UST: variants seen among roughly 807,000 people sequenced by gnomAD.
The protein encoded by UST is uronyl 2-sulfotransferase.
In UST, 21 loss-of-function variants were observed where a neutral mutation model predicts 45.6. The observed-to-expected ratio is 0.46, with a 90% CI of 0.33 to 0.66. The LOEUF (loss-of-function observed/expected upper bound fraction) is 0.66, where lower values mean the gene tolerates loss of function less well. Among genes scored for constraint, UST ranks in the 30% least tolerant of loss-of-function variants. The pLI, the probability that UST is intolerant of heterozygous loss-of-function variation, is 0.02. For missense variants in UST, 463 were observed against 512.4 expected (o/e 0.90, Z 0.93); for synonymous variants, 215 against 200.6 (o/e 1.07, Z -0.61).
Position 148,927,658 on chromosome 6 carries a change from G to A in UST, c.292-13621G>A, listed in dbSNP as rs9390637. ...GGCACCACCAAATTAAGAGCCCTGG[G>A]ATGAAAAAAAATGAGAAAGATAGAA... On this transcript the variant is annotated intron_variant, in intron 2 of 7. Coordinates refer to ENST00000367463, the MANE Select transcript of UST (RefSeq NM_005715.3). 1.0e-2 allele frequency among the ~76,000 whole-genome samples: 1,516 copies of A among 151,976 alleles called. 78 individuals are homozygous for A. The East Asian group carries it at 0.13, about 13-fold the overall frequency.
intron 2 of UST, among the ~76,000 whole-genome samples, chr6:148,896,079 A>C (rs1464930441): frequency 6.6e-6 from 1 of 152,224 alleles, no homozygotes; most frequent in African/African-American, 2.4e-5. Context: ...AGGTATTGGG[A>C]GTACAATGAC....
At chr6:148,873,003 C>G (rs1449898428) in intron 1 of UST, among the ~76,000 whole-genome samples, 1 of 152,120 alleles carries the variant, frequency 6.6e-6, no homozygotes, top group Non-Finnish European at 1.5e-5. Context: ...AGGACGAGGA[C>G]AACTTTGGGG....
chr6:148,776,213 G>A (rs1776532584), intron 1 of UST, among the ~76,000 whole-genome samples: 1 of 152,162 alleles, frequency 6.6e-6, no homozygotes, highest in South Asian at 2.1e-4. Context: ...AGAAATTCTG[G>A]CTTTTGCTTC....
At chr6:148,808,385 C>T (rs1314375954) in intron 1 of UST, among the ~76,000 whole-genome samples, 1 of 152,138 alleles carries the variant, frequency 6.6e-6, no homozygotes, top group East Asian at 1.9e-4. Context: ...AGATCCTAAA[C>T]ATGACCCCTT....
intron 1 of UST, among the ~76,000 whole-genome samples, chr6:148,799,486 C>T (rs1053879962): frequency 2.6e-5 from 4 of 152,016 alleles, no homozygotes; most frequent in African/African-American, 9.7e-5. Flanking sequence ...TTGGTGGTTC[C>T]CGGCAACTGA....
At chr6:148,881,959 A>T (rs887345789) in intron 1 of UST, among the ~76,000 whole-genome samples, 3 of 152,230 alleles carry the variant, frequency 2.0e-5, no homozygotes, top group Non-Finnish European at 4.4e-5. Flanking sequence ...CTAGAAGAAG[A>T]GAAACTCACT....
intron 1 of UST, among the ~76,000 whole-genome samples, chr6:148,758,744 T>C (rs1487294386): frequency 2.0e-5 from 3 of 152,230 alleles, no homozygotes; most frequent in African/African-American, 4.8e-5. Flanking sequence ...TAGCCTCCAG[T>C]AGGTGTTGCG....
At chr6:148,921,659 C>T (rs918300928) in intron 2 of UST, among the ~76,000 whole-genome samples, 2 of 152,200 alleles carry the variant, frequency 1.3e-5, no homozygotes, top group Admixed American at 1.3e-4. Flanking sequence ...AAGCTTTCTG[C>T]ACTCCAGGTG....
intron 2 of UST, among the ~76,000 whole-genome samples, chr6:148,905,052 T>C (rs1187262042): frequency 6.6e-6 from 1 of 152,238 alleles, no homozygotes; most frequent in Non-Finnish European, 1.5e-5. Flanking sequence ...CTGAGTTTTG[T>C]TTTTCTCACT....
intron 1 of UST, among the ~76,000 whole-genome samples, chr6:148,867,820 A>G (rs1237876253): frequency 6.6e-6 from 1 of 152,170 alleles, no homozygotes; most frequent in Non-Finnish European, 1.5e-5. Flanking sequence ...ACTAATACAC[A>G]CTTGTTTGTA....
intron 5 of UST, among the ~76,000 whole-genome samples, chr6:148,979,700 A>G (rs74473896): frequency 0.018 from 2,789 of 152,314 alleles, 72 homozygotes; most frequent in African/African-American, 0.051. Flanking sequence ...TGAGAACTTC[A>G]AAGTGATGAC....
At chr6:148,969,184 C>T (rs1780864773) in intron 5 of UST, among the ~76,000 whole-genome samples, 1 of 152,234 alleles carries the variant, frequency 6.6e-6, no homozygotes, top group East Asian at 1.9e-4. Flanking sequence ...TCCCAACCAG[C>T]TGAGACTGTC....
intron 5 of UST, among the ~76,000 whole-genome samples, chr6:148,993,566 A>G (rs972267723): frequency 6.6e-6 from 1 of 152,180 alleles, no homozygotes; most frequent in Non-Finnish European, 1.5e-5. Context: ...TACTGTTTGT[A>G]TATTTGTCCC....
chr6:148,822,034 C>G (rs1777476382), intron 1 of UST, among the ~76,000 whole-genome samples: 2 of 152,120 alleles, frequency 1.3e-5, no homozygotes, highest in African/African-American at 2.4e-5. Context: ...TTTTATGTTC[C>G]CTGCACTATA....
chr6:148,910,386 C>T lies in UST; in HGVS notation c.291+23357C>T, dbSNP rs140927223. ...AACTCCCGACCTCAGGTGATCCGCC[C>T]GCCTGAACCTCCCAAAGTGCTGGCA... is the stretch of plus-strand genomic sequence containing the variant. On this transcript the variant is annotated intron_variant, in intron 2 of 7. Coordinates refer to ENST00000367463, the MANE Select transcript of UST (RefSeq NM_005715.3). 5.1e-3 allele frequency among the ~76,000 whole-genome samples: 769 copies of T among 152,166 alleles called. 10 individuals carry two copies. Among genetic ancestry groups the T allele is most frequent in the African/African-American group, 0.018 (743 of 41,528 alleles).
At chr6:148,777,573 C>CT (rs1776559680) in intron 1 of UST, among the ~76,000 whole-genome samples, 1 of 152,160 alleles carries the variant, frequency 6.6e-6, no homozygotes. Flanking sequence ...GAGACGGAGT[C>CT]TCGCTCTGTC....
intron 4 of UST, among the ~76,000 whole-genome samples, chr6:148,959,414 C>T (rs1290346289): frequency 6.6e-6 from 1 of 152,220 alleles, no homozygotes; most frequent in African/African-American, 2.4e-5. Flanking sequence ...TCGGTATTAG[C>T]AGTTAACACC....
intron 1 of UST, among the ~76,000 whole-genome samples, chr6:148,881,721 C>T (rs191587403): frequency 1.2e-4 from 18 of 152,152 alleles, no homozygotes; most frequent in African/African-American, 4.1e-4. Flanking sequence ...CACCCACCAT[C>T]GACTCCTTGA....
intron 3 of UST, among the ~76,000 whole-genome samples, chr6:148,944,892 A>AT (rs1780204544): frequency 1.4e-5 from 2 of 147,416 alleles, no homozygotes; most frequent in Non-Finnish European, 3.0e-5. Context: ...AAAAATAGGG[A>AT]ATTTTTTTCC....
Sources: gnomAD v4.1 joint callset for allele counts (sites outside exome capture counted in the v4.1 genomes callset) on GRCh38, gnomAD v4.1.1 for gene constraint, MANE v1.5 for transcripts, NCBI Gene and HGNC (gene_info 2026-07-23, HGNC 2026-07-21) for gene names.